The following LRRK1 variants were observed in gnomAD, a reference collection of about 807,000 sequenced individuals.
LRRK1 encodes the protein leucine-rich repeat serine/threonine-protein kinase 1.
In LRRK1, 113 loss-of-function variants were observed where a neutral mutation model predicts 209.1. The ratio of observed to expected loss-of-function variants is 0.54; its 90% CI spans 0.46 to 0.63. The LOEUF (loss-of-function observed/expected upper bound fraction) is 0.63. Among genes scored for constraint, LRRK1 ranks in the 30% least tolerant of loss-of-function variants. LRRK1 has a pLI of 0.00. For synonymous variants in LRRK1, 1,144 were observed against 1,099.7 expected, an observed-to-expected ratio of 1.04 and a Z score of -0.80; for missense variants, 2,284 against 2,632.2, an observed-to-expected ratio of 0.87 and a Z score of 2.89.
At position 100,941,304 on chromosome 15, in the gene LRRK1, G is replaced by GTCTC. The variant is rs150508533; in HGVS notation, c.97+16576_97+16577insCTCT. On this transcript the variant is annotated intron_variant, in intron 2 of 33. Transcript: ENST00000388948. ...CGTGTGTGTGTCTGTGTGTGTCTAT[G>GTCTC]TGTGTGTGTCTGTGTGTGTGTGTCT... Among the ~76,000 whole-genome samples, 25 of 114,636 alleles carry GTCTC rather than the reference G, an allele frequency of 2.2e-4. 1 individual carries two copies. Among genetic ancestry groups the GTCTC allele is most frequent in the African/African-American group, 4.9e-4 (12 of 24,622 alleles). 75.2% of individuals were successfully genotyped at this position (114,636 alleles called of 152,430 possible).
chr15:101,000,770 C>T (rs1315954901), intron 6 of LRRK1, among the ~76,000 whole-genome samples: 1 of 152,196 alleles, frequency 6.6e-6, no homozygotes, highest in Non-Finnish European at 1.5e-5. Flanking sequence ...ATGATGGCCC[C>T]CACAATAACC....
At chr15:100,972,695 G>A (rs2030998739) in intron 2 of LRRK1, among the ~76,000 whole-genome samples, 1 of 152,054 alleles carries the variant, frequency 6.6e-6, no homozygotes, top group African/African-American at 2.4e-5. Flanking sequence ...TGGCTTCTCA[G>A]CTCCGTTTTA....
At chr15:100,974,011 C>T in intron 3 of LRRK1, 44 bp downstream of exon 3, 1 of 1,237,572 alleles carries the variant, frequency 8.1e-7, no homozygotes, top group Non-Finnish European at 1.0e-6. Flanking sequence ...CAGCCCCGGG[C>T]TGGACGAAGG....
rs754956200 is a variant in LRRK1 at position 101,066,719 on chromosome 15, G to GC, written c.5851dup (p.Arg1951ProfsTer25). 1 of 1,614,198 alleles carries GC rather than the reference G, an allele frequency of 6.2e-7. No homozygotes were observed. The highest frequency in any genetic ancestry group is 1.1e-5 in the South Asian group (1 of 91,086). On this transcript the variant is annotated frameshift_variant, in exon 33 of 34. Transcript: ENST00000388948. LOFTEE classifies it high-confidence loss of function. Reference sequence around the variant, plus strand: ...GGGCCGAGTCATTGCCGTCTTAAAAGCCCGAGAGCTGACTCCGCATGGGTA... The same window carrying GC: ...GGGCCGAGTCATTGCCGTCTTAAAAGCCCCGAGAGCTGACTCCGCATGGGTA...
At chr15:100,980,851 T>A (rs1333165438) in intron 3 of LRRK1, among the ~76,000 whole-genome samples, 6 of 152,220 alleles carry the variant, frequency 3.9e-5, no homozygotes, top group African/African-American at 1.4e-4. Context: ...ACAGGTGATG[T>A]CCTGGTCTTT....
At chr15:100,965,120 G>A (rs925522300) in intron 2 of LRRK1, among the ~76,000 whole-genome samples, 4 of 137,444 alleles carry the variant, frequency 2.9e-5, no homozygotes. Flanking sequence ...GCATTACTCT[G>A]TCATATTCAT....
In LRRK1 at chr15:101,051,802, C is replaced by T. The variant is rs1307730712; in HGVS notation, c.3531C>T (p.Asp1177=). Residue 1177 remains aspartate (D), a synonymous_variant, in exon 24 of 34, where the codon GAC becomes GAT. Transcript: ENST00000388948. ...VCETAWAQHT[D]PSEKSEDVQY... is the part of the protein sequence containing the mutation. ...AGACAGCCTGGGCCCAGCACACGGA[C>T]CCCAGTGAGAAATCAGAGGATGTGC... 1 of 1,614,100 alleles carries T rather than the reference C, an allele frequency of 6.2e-7. No individual in the cohort carries two copies. Among genetic ancestry groups the T allele is most frequent in the South Asian group, 1.1e-5 (1 of 91,088 alleles).
intron 4 of LRRK1, among the ~76,000 whole-genome samples, chr15:100,986,265 T>C (rs955249259): frequency 6.6e-6 from 1 of 151,996 alleles, no homozygotes; most frequent in African/African-American, 2.4e-5. Context: ...AGAAGAGGGA[T>C]GAGAGGTTGA....
At chr15:100,987,953 A>C (rs1243374857) in intron 4 of LRRK1, among the ~76,000 whole-genome samples, 2 of 152,068 alleles carry the variant, frequency 1.3e-5, no homozygotes, top group Admixed American at 6.6e-5. Context: ...CCCATTTTTT[A>C]TTTGGCTAAG....
intron 10 of LRRK1, among the ~76,000 whole-genome samples, chr15:101,012,907 G>GGC: frequency 6.6e-6 from 1 of 152,220 alleles, no homozygotes; most frequent in East Asian, 1.9e-4. Flanking sequence ...CCCCGGGGGG[G>GGC]GGTGGTCCCA....
chr15:100,989,794 G>A (rs1167786248), intron 6 of LRRK1: 2 of 272,548 alleles, frequency 7.3e-6, no homozygotes, highest in African/African-American at 2.2e-5. Flanking sequence ...CTATAGCAGG[G>A]TGGGAGCTGA....
rs200916884 is a variant in LRRK1 at position 101,066,671 on chromosome 15, G to C, written c.5800G>C (p.Glu1934Gln). Reference protein sequence around the residue: ...RGGDVIVIGLEKDSGAQRGRV... With the variant: ...RGGDVIVIGLQKDSGAQRGRV... ...TGGAGATGTTATCGTCATTGGCCTGGAGAAGGATTCTGGCGCCCAGCGGGG... is the reference window on the plus strand; with the variant it reads ...TGGAGATGTTATCGTCATTGGCCTGCAGAAGGATTCTGGCGCCCAGCGGGG... The change falls in exon 33 of 34, where the codon GAG becomes CAG. Residue 1934 changes from glutamate (E) to glutamine (Q), a missense_variant. Around this residue, in one of 6 missense-constraint regions of LRRK1, gnomAD observed 643 missense variants for 695.9 expected, o/e 0.92. Coordinates refer to ENST00000388948, the MANE Select transcript of LRRK1 (RefSeq NM_024652.6). 2 of 1,614,116 alleles carry C rather than the reference G, an allele frequency of 1.2e-6. No individual in the cohort carries two copies. Among genetic ancestry groups the C allele is most frequent in the African/African-American group, 1.3e-5 (1 of 74,938 alleles).
At chr15:101,049,578 G>A in intron 22 of LRRK1, 66 bp from the exon 23 acceptor site, 2 of 1,568,402 alleles carry the variant, frequency 1.3e-6, no homozygotes, top group East Asian at 2.2e-5. Flanking sequence ...CCTGGGGGTA[G>A]GGATATCATC....
intron 20 of LRRK1, among the ~76,000 whole-genome samples, chr15:101,031,750 T>C (rs1287660528): frequency 6.6e-6 from 1 of 152,040 alleles, no homozygotes; most frequent in Non-Finnish European, 1.5e-5. Flanking sequence ...TTTTTTTTTT[T>C]TTGAGATGGA....
chr15:100,937,020 G>A (rs1257330086), intron 2 of LRRK1, among the ~76,000 whole-genome samples: 1 of 152,098 alleles, frequency 6.6e-6, no homozygotes, highest in African/African-American at 2.4e-5. Flanking sequence ...AAACCATACA[G>A]GCCTGGTGCT....
chr15:100,978,115 C>T (rs1201760797), intron 3 of LRRK1, among the ~76,000 whole-genome samples: 1 of 151,874 alleles, frequency 6.6e-6, no homozygotes, highest in Non-Finnish European at 1.5e-5. Context: ...TGAATGGGCT[C>T]AACTGTAGAA....
rs548497922 is a variant in LRRK1, at chr15:101,071,160, A to G, written c.*2312A>G. 1 of 152,416 alleles carries G rather than the reference A, an allele frequency of 6.6e-6. No homozygotes were observed. The highest frequency in any genetic ancestry group is 1.9e-4 in the East Asian group (1 of 5,178). The allele number at this position is 152,416 out of a possible 1,614,324, so 9.4% of individuals were successfully genotyped here. ...GTCCCTGCAACTTTGGCCTCTGCCC[A>G]GTGACCTCTGGCGGGTGTAGAAGAG... is the stretch of plus-strand genomic sequence containing the variant. On this transcript the variant is annotated 3_prime_UTR_variant, in exon 34 of 34. Coordinates refer to ENST00000388948, the MANE Select transcript of LRRK1 (RefSeq NM_024652.6).
chr15:100,937,398 CCA>C (rs373320722), intron 2 of LRRK1, among the ~76,000 whole-genome samples: 54 of 152,132 alleles, frequency 3.5e-4, no homozygotes, highest in East Asian at 3.5e-3. Context: ...GCCTCAGAAA[CCA>C]CAGTTTTTAG....
chr15:100,948,301 G>A (rs2042580988), intron 2 of LRRK1, among the ~76,000 whole-genome samples: 1 of 152,154 alleles, frequency 6.6e-6, no homozygotes, highest in African/African-American at 2.4e-5. Context: ...ACTTCCTTAG[G>A]GTAAAGGAGG....
Sources: allele counts gnomAD v4.1 joint callset (sites outside exome capture counted in the v4.1 genomes callset), GRCh38; gene constraint gnomAD v4.1.1; regional missense constraint gnomAD v4.1.1; transcripts MANE v1.5; gene names NCBI Gene and HGNC (gene_info 2026-07-23, HGNC 2026-07-21).